Variants in DYNC1I1 observed in about 807,000 individuals in gnomAD.
The protein encoded by DYNC1I1 is cytoplasmic dynein 1 intermediate chain 1.
In DYNC1I1, 43 loss-of-function variants were observed where a neutral mutation model predicts 86.6. The observed-to-expected ratio is 0.50, with a 90% CI of 0.39 to 0.64. The LOEUF (loss-of-function observed/expected upper bound fraction) is 0.64. DYNC1I1 is among the 30% of genes least tolerant of loss of function. The probability of loss-of-function intolerance (pLI) is 0.00; values close to 1 mark genes in which losing one functional copy is unlikely to be tolerated. For synonymous variants in DYNC1I1, 262 were observed against 283.7 expected, an observed-to-expected ratio of 0.92 and a Z score of 0.77; for missense variants, 604 against 788.8, an observed-to-expected ratio of 0.77 and a Z score of 2.81.
intron 14 of DYNC1I1, among the ~76,000 whole-genome samples, chr7:96,059,850 C>A (rs1034350207): frequency 4.0e-5 from 6 of 151,462 alleles, no homozygotes; most frequent in Admixed American, 2.6e-4. Context: ...ACAACAACAA[C>A]AAAAAACTGA....
At chr7:95,942,316 A>T (rs1410391995) in intron 6 of DYNC1I1, among the ~76,000 whole-genome samples, 1 of 152,180 alleles carries the variant, frequency 6.6e-6, no homozygotes, top group African/African-American at 2.4e-5. Context: ...CCCAAGACTA[A>T]ACCAGGAAGA....
chr7:95,798,107 C>T (rs781448512), intron 1 of DYNC1I1, among the ~76,000 whole-genome samples: 1 of 152,022 alleles, frequency 6.6e-6, no homozygotes, highest in Non-Finnish European at 1.5e-5. Flanking sequence ...TAAACTAAAG[C>T]TCTTTGAAGT....
At chr7:96,045,850 T>C (rs138734839) in intron 14 of DYNC1I1, among the ~76,000 whole-genome samples, 5 of 152,132 alleles carry the variant, frequency 3.3e-5, no homozygotes, top group Admixed American at 2.0e-4. Flanking sequence ...TAAGTACTAA[T>C]AGAGATTTCT....
At chr7:95,927,435 G>A (rs1791774770) in intron 6 of DYNC1I1, among the ~76,000 whole-genome samples, 1 of 152,088 alleles carries the variant, frequency 6.6e-6, no homozygotes, top group South Asian at 2.1e-4. Flanking sequence ...TAGTAGAGGT[G>A]GCATTTGTGT....
chr7:95,945,778 G>A (rs1170853911), intron 6 of DYNC1I1, among the ~76,000 whole-genome samples: 2 of 152,124 alleles, frequency 1.3e-5, no homozygotes, highest in East Asian at 1.9e-4. Flanking sequence ...AATTAGTAGA[G>A]TGGCTGTTTA....
intron 1 of DYNC1I1, among the ~76,000 whole-genome samples, chr7:95,796,536 G>C (rs1484837531): frequency 2.0e-5 from 3 of 152,022 alleles, no homozygotes; most frequent in Admixed American, 6.6e-5. Context: ...GCTGTATCTA[G>C]AAGTCTTACT....
chr7:95,888,459 A>G (rs1171499414), intron 6 of DYNC1I1, among the ~76,000 whole-genome samples: 2 of 152,168 alleles, frequency 1.3e-5, no homozygotes, highest in Non-Finnish European at 1.5e-5. Flanking sequence ...AAGAAGAAAC[A>G]AAATTAAAGG....
At chr7:95,865,561 G>A (rs1314480891) in intron 5 of DYNC1I1, among the ~76,000 whole-genome samples, 2 of 152,196 alleles carry the variant, frequency 1.3e-5, no homozygotes, top group Non-Finnish European at 2.9e-5. Flanking sequence ...TGAGAGACAT[G>A]AAAAAGAAGT....
rs540482573 is a variant in DYNC1I1 at position 96,105,955 on chromosome 7, T to C, written c.1543-4024T>C. 5.3e-5 allele frequency among the ~76,000 whole-genome samples: 8 copies of C among 152,298 alleles called. No individual in the cohort carries two copies. In the South Asian group the frequency reaches 1.7e-3, roughly 32 times the overall value. ...CCATATAAAGTTGTTCATACTATTC[T>C]CTTATTACCCTTTAATGTACATAGA... is the stretch of plus-strand genomic sequence containing the variant. On this transcript the variant is annotated intron_variant, in intron 16 of 16. Coordinates refer to the DYNC1I1 transcript ENST00000537881.
At chr7:95,831,852 G>C (rs1788912506) in intron 5 of DYNC1I1, among the ~76,000 whole-genome samples, 2 of 151,624 alleles carry the variant, frequency 1.3e-5, no homozygotes, top group Admixed American at 1.3e-4. Context: ...TTGTAATTTT[G>C]CTATTGAGTT....
intron 6 of DYNC1I1, among the ~76,000 whole-genome samples, chr7:95,936,559 A>G (rs1377553532): frequency 6.6e-6 from 1 of 152,110 alleles, no homozygotes; most frequent in Non-Finnish European, 1.5e-5. Context: ...AAATCTGTAG[A>G]GGAAAAATAT....
At chr7:96,092,882 A>G (rs1238359542) in intron 16 of DYNC1I1, among the ~76,000 whole-genome samples, 1 of 152,172 alleles carries the variant, frequency 6.6e-6, no homozygotes, top group Non-Finnish European at 1.5e-5. Flanking sequence ...GGTGATTCAA[A>G]ACACATTACC....
chr7:96,002,113 T>C (rs1278947315), intron 10 of DYNC1I1, among the ~76,000 whole-genome samples: 1 of 152,168 alleles, frequency 6.6e-6, no homozygotes, highest in Non-Finnish European at 1.5e-5. Flanking sequence ...GGCCAGGCCC[T>C]CACAGCAGTG....
intron 4 of DYNC1I1, among the ~76,000 whole-genome samples, chr7:95,822,386 A>G (rs926754949): frequency 2.0e-5 from 3 of 152,180 alleles, no homozygotes; most frequent in Non-Finnish European, 4.4e-5. Flanking sequence ...AAACAAATTG[A>G]CCCACAAATT....
At chr7:95,858,492 A>G (rs569356160) in intron 5 of DYNC1I1, among the ~76,000 whole-genome samples, 1 of 152,330 alleles carries the variant, frequency 6.6e-6, no homozygotes, top group African/African-American at 2.4e-5. Context: ...ACATAAACCA[A>G]TATCATAGTC....
intron 6 of DYNC1I1, among the ~76,000 whole-genome samples, chr7:95,967,501 G>A (rs1253721803): frequency 1.3e-5 from 2 of 152,124 alleles, no homozygotes; most frequent in Non-Finnish European, 2.9e-5. Flanking sequence ...GGGTCCATAA[G>A]ACCTGATCCC....
At chr7:95,855,671 G>T (rs1789700843) in intron 5 of DYNC1I1, among the ~76,000 whole-genome samples, 1 of 152,154 alleles carries the variant, frequency 6.6e-6, no homozygotes, top group Non-Finnish European at 1.5e-5. Flanking sequence ...ATTGCTCTTA[G>T]GCTACAAACC....
chr7:96,013,138 A>AAG (rs1319775858), intron 10 of DYNC1I1, among the ~76,000 whole-genome samples: 1 of 151,700 alleles, frequency 6.6e-6, no homozygotes, highest in Non-Finnish European at 1.5e-5. Context: ...TCATAAGTGA[A>AAG]AGAGAGAGAG....
chr7:95,841,141 G>C (rs964936557), intron 5 of DYNC1I1, among the ~76,000 whole-genome samples: 2 of 152,184 alleles, frequency 1.3e-5, no homozygotes, highest in Non-Finnish European at 2.9e-5. Context: ...AGACAAGCTA[G>C]AGGCCAGTCC....
Sources: gnomAD v4.1 joint callset for allele counts (sites outside exome capture counted in the v4.1 genomes callset) on GRCh38, gnomAD v4.1.1 for gene constraint, MANE v1.5 for transcripts, NCBI Gene and HGNC (gene_info 2026-07-23, HGNC 2026-07-21) for gene names.